Variants in CMTM6 observed in about 807,000 individuals in gnomAD.
CMTM6 encodes the protein CKLF-like MARVEL transmembrane domain-containing protein 6.
A neutral mutation model predicts 13.6 loss-of-function variants in CMTM6; 5 were observed. The observed-to-expected ratio is 0.37, with a 90% CI of 0.19 to 0.77. The LOEUF (loss-of-function observed/expected upper bound fraction) is 0.77, where lower values mean the gene tolerates loss of function less well. CMTM6 is among the 30% of genes least tolerant of loss of function. The probability of loss-of-function intolerance (pLI) is 0.50; values close to 1 mark genes in which losing one functional copy is unlikely to be tolerated. For synonymous variants in CMTM6, 99 were observed against 84.5 expected, an observed-to-expected ratio of 1.17 and a Z score of -0.94; for missense variants, 196 against 218.6, an observed-to-expected ratio of 0.90 and a Z score of 0.65.
chr3:32,491,827 T>C lies in CMTM6; in HGVS notation c.198A>G (p.Gly66=), dbSNP rs1697252528. ...EEVVSQCTLC[G]GLYFFEFVSC... ...TTACAAACTCAAAAAAATAAAGTCC[T>C]CCACATAAAGTACATTGTGATACAA... The change falls in exon 2 of 4, where the codon GGA becomes GGG. Residue 66 remains glycine (G), a synonymous_variant. Coordinates refer to ENST00000205636, the MANE Select transcript of CMTM6 (RefSeq NM_017801.3). The C allele has an allele frequency of 1.2e-6, 2 of 1,613,790 alleles. No homozygotes were observed. The highest frequency in any genetic ancestry group is 1.1e-5 in the South Asian group (1 of 91,066).
chr3:32,483,963 G>C lies in CMTM6; in HGVS notation c.549C>G (p.Ala183=). The C allele has an allele frequency of 6.3e-7, 1 of 1,599,928 alleles. No homozygotes were observed. The highest frequency in any genetic ancestry group is 8.5e-7 in the Non-Finnish European group (1 of 1,175,126). The change falls in exon 4 of 4, where the codon GCC becomes GCG. Residue 183 remains alanine (A), a synonymous_variant. Coordinates refer to ENST00000205636, the MANE Select transcript of CMTM6 (RefSeq NM_017801.3). The stretch of plus-strand genomic sequence containing the variant: ...TAACATCTGCTCCCCAGAGTCTTTA[G>C]GCATTAAGTGGCTCAGTGAGGGCTT... ...RAEALTEPLN[A]
intron 2 of CMTM6, among the ~76,000 whole-genome samples, chr3:32,490,119 G>A (rs1697238443): frequency 6.6e-6 from 1 of 151,998 alleles, no homozygotes; most frequent in African/African-American, 2.4e-5. Flanking sequence ...GGTGGCACAC[G>A]CCTGTAATCC....
At chr3:32,484,789 A>G (rs1697188604) in intron 3 of CMTM6, among the ~76,000 whole-genome samples, 1 of 152,160 alleles carries the variant, frequency 6.6e-6, no homozygotes, top group Non-Finnish European at 1.5e-5. Context: ...TCTCTGTAAA[A>G]AAGAGAAAAT....
Position 32,502,709 on chromosome 3 carries a change from C to T in CMTM6, c.37G>A (p.Glu13Lys). 2 of 1,581,366 alleles carry T rather than the reference C, an allele frequency of 1.3e-6. No homozygotes were observed. The highest frequency in any genetic ancestry group is 2.7e-5 in the African/African-American group (2 of 73,892). The part of the protein sequence containing the change: ...NGAVYSPTTE[E>K]DPGPARGPRS... ...GGGCCTCTGGCGGGGCCCGGGTCCTCCTCCGTAGTGGGGCTGTACACCGCT... is the reference window on the plus strand; with the variant it reads ...GGGCCTCTGGCGGGGCCCGGGTCCTTCTCCGTAGTGGGGCTGTACACCGCT... Residue 13 changes from glutamate (E) to lysine (K), a missense_variant, in exon 1 of 4, where the codon GAG (glutamate) becomes AAG (lysine). Around this residue, in one of 2 missense-constraint regions of CMTM6, gnomAD observed 85 missense variants for 58.7 expected, o/e 1.45. Coordinates refer to ENST00000205636, the MANE Select transcript of CMTM6 (RefSeq NM_017801.3).
At chr3:32,499,414 C>G (rs1697325974) in intron 1 of CMTM6, among the ~76,000 whole-genome samples, 1 of 152,152 alleles carries the variant, frequency 6.6e-6, no homozygotes, top group Admixed American at 6.5e-5. Context: ...TACTGTGCAG[C>G]TATCAGGATA....
In CMTM6 at chr3:32,481,880, G is replaced by A. The variant is rs1275217175; in HGVS notation, c.*2080C>T. 6.6e-6 allele frequency: 1 copy of A among 152,260 alleles called. No individual in the cohort carries two copies. The highest frequency in any genetic ancestry group is 2.4e-5 in the African/African-American group (1 of 41,480). The allele number at this position is 152,260 out of a possible 1,614,324, so 9.4% of individuals were successfully genotyped here. On this transcript the variant is annotated 3_prime_UTR_variant, in exon 4 of 4. Transcript: ENST00000205636. Reference sequence around the variant, plus strand: ...TGAAACACATGGAGGTGAAACCTCAGAACAAGCGGAGCTTAAGCTCAATGA... The same window carrying A: ...TGAAACACATGGAGGTGAAACCTCAAAACAAGCGGAGCTTAAGCTCAATGA...
chr3:32,491,602 T>C (rs1697250398), intron 2 of CMTM6, 108 bp downstream of exon 2: 1 of 974,038 alleles, frequency 1.0e-6, no homozygotes, highest in East Asian at 2.6e-5. Flanking sequence ...CAAGGGATAC[T>C]GTCTTTTCAT....
In CMTM6 at chr3:32,497,258, G is replaced by A. The variant is rs190188435; in HGVS notation, c.138+5350C>T. Among the ~76,000 whole-genome samples the A allele has an allele frequency of 4.6e-3, 693 of 151,294 alleles. 5 individuals are homozygous for A. Among genetic ancestry groups the A allele is most frequent in the African/African-American group, 0.015 (632 of 41,238 alleles). On this transcript the variant is annotated intron_variant, in intron 1 of 3. Transcript: ENST00000205636. ...AAATTAGCCGGGCGTGGTGGCGGGC[G>A]CCTGTAGTCCCAGCTACTCGGGAGG...
At chr3:32,495,961 C>A (rs141578833) in intron 1 of CMTM6, among the ~76,000 whole-genome samples, 1 of 152,108 alleles carries the variant, frequency 6.6e-6, no homozygotes. Context: ...GAGGCCAAGG[C>A]GGGCAGATCA....
At position 32,483,886 on chromosome 3, in the gene CMTM6, C is replaced by T; in HGVS notation, c.*74G>A. On this transcript the variant is annotated 3_prime_UTR_variant, in exon 4 of 4. Transcript: ENST00000205636. ...TGGTTTAAACAATTAACAAATTTTA[C>T]AAGAGCTTCTGCCAGGGCTCAGGCA... The T allele has an allele frequency of 7.4e-7, 1 of 1,353,092 alleles. No homozygotes were observed. The highest frequency in any genetic ancestry group is 9.7e-7 in the Non-Finnish European group (1 of 1,034,380). The allele number at this position is 1,353,092 out of a possible 1,614,324, so 83.8% of individuals were successfully genotyped here.
At chr3:32,501,013 C>A (rs1161161251) in intron 1 of CMTM6, among the ~76,000 whole-genome samples, 3 of 146,916 alleles carry the variant, frequency 2.0e-5, no homozygotes, top group East Asian at 4.0e-4. Context: ...CTGGTCAACA[C>A]GGCGAAACCC....
At chr3:32,493,168 A>G (rs1293116882) in intron 1 of CMTM6, among the ~76,000 whole-genome samples, 1 of 152,230 alleles carries the variant, frequency 6.6e-6, no homozygotes, top group African/African-American at 2.4e-5. Flanking sequence ...GTTAGCATAA[A>G]CCAGTATGGG....
chr3:32,500,090 A>T (rs62252152), intron 1 of CMTM6, among the ~76,000 whole-genome samples: 10,957 of 152,306 alleles, frequency 0.072, 517 homozygotes, highest in Middle Eastern at 0.14. Flanking sequence ...ATATACTCAA[A>T]CATATAAGTG....
intron 1 of CMTM6, among the ~76,000 whole-genome samples, chr3:32,498,510 A>G (rs1178530812): frequency 1.3e-5 from 2 of 152,174 alleles, no homozygotes; most frequent in African/African-American, 4.8e-5. Context: ...CTCAGTGACT[A>G]AAACATGATC....
intron 1 of CMTM6, among the ~76,000 whole-genome samples, chr3:32,492,295 G>T (rs1697256326): frequency 6.6e-6 from 1 of 151,320 alleles, no homozygotes; most frequent in South Asian, 2.1e-4. Flanking sequence ...AAATGAGGGA[G>T]CATGGCACCT....
At chr3:32,487,844 AC>A in intron 3 of CMTM6, 93 bp downstream of exon 3, 1 of 770,024 alleles carries the variant, frequency 1.3e-6, no homozygotes, top group Non-Finnish European at 2.1e-6. Context: ...AAGAAAAACA[AC>A]TCTAACATGC....
chr3:32,499,346 T>C (rs528663277), intron 1 of CMTM6, among the ~76,000 whole-genome samples: 4 of 152,308 alleles, frequency 2.6e-5, no homozygotes, highest in African/African-American at 4.8e-5. Flanking sequence ...ATGTAATATA[T>C]TGAAAAATCA....
chr3:32,494,387 T>C (rs1697272631), intron 1 of CMTM6, among the ~76,000 whole-genome samples: 1 of 152,202 alleles, frequency 6.6e-6, no homozygotes, highest in Admixed American at 6.5e-5. Context: ...AATCAACAGA[T>C]ACATTTCATA....
chr3:32,486,149 T>C (rs2125655739), intron 3 of CMTM6, among the ~76,000 whole-genome samples: 1 of 152,352 alleles, frequency 6.6e-6, no homozygotes, highest in South Asian at 2.1e-4. Context: ...GTGCTGGGAT[T>C]ACAGGCGTTG....
Sources: allele counts gnomAD v4.1 joint callset (sites outside exome capture counted in the v4.1 genomes callset), GRCh38; gene constraint gnomAD v4.1.1; regional missense constraint gnomAD v4.1.1; transcripts MANE v1.5; gene names NCBI Gene and HGNC (gene_info 2026-07-23, HGNC 2026-07-21).